SNTG2: variants seen among roughly 807,000 people sequenced by gnomAD.
SNTG2 encodes the protein syntrophin gamma 2.
In SNTG2, 74 loss-of-function variants were observed where a neutral mutation model predicts 70.9. The observed-to-expected ratio is 1.04, with a 90% confidence interval of 0.86 to 1.27. The LOEUF is 1.27. Ranked by LOEUF, SNTG2 falls within the 50% of genes most tolerant of loss-of-function variation. The probability of loss-of-function intolerance (pLI) is 0.00; values close to 1 mark genes in which losing one functional copy is unlikely to be tolerated. For synonymous variants in SNTG2, 278 were observed against 273.8 expected, an observed-to-expected ratio of 1.02 and a Z score of -0.15; for missense variants, 717 against 690.7, an observed-to-expected ratio of 1.04 and a Z score of -0.43.
At chr2:1,113,020 A>C (rs1666608947) in intron 4 of SNTG2, among the ~76,000 whole-genome samples, 1 of 151,546 alleles carries the variant, frequency 6.6e-6, no homozygotes, top group Non-Finnish European at 1.5e-5. Context: ...GATCATGTGT[A>C]CTAAGTGAGG....
At chr2:1,232,752 C>T (rs1325356781) in intron 9 of SNTG2, among the ~76,000 whole-genome samples, 1 of 152,130 alleles carries the variant, frequency 6.6e-6, no homozygotes, top group East Asian at 1.9e-4. Context: ...AAATAATATA[C>T]TACAGAGACA....
At chr2:1,150,629 ACAAAAG>A (rs1329641932) in intron 6 of SNTG2, among the ~76,000 whole-genome samples, 1 of 152,184 alleles carries the variant, frequency 6.6e-6, no homozygotes, top group Non-Finnish European at 1.5e-5. Context: ...AATTCAGTTG[ACAAAAG>A]TAAAGGGGCA....
chr2:1,127,051 C>A (rs1234160121), intron 4 of SNTG2, among the ~76,000 whole-genome samples: 3 of 151,886 alleles, frequency 2.0e-5, no homozygotes, highest in Non-Finnish European at 4.4e-5. Flanking sequence ...TGTCCAGAAC[C>A]ATTGCCTCTA....
chr2:1,134,535 G>T (rs1429807612), intron 4 of SNTG2, among the ~76,000 whole-genome samples: 1 of 151,948 alleles, frequency 6.6e-6, no homozygotes, highest in African/African-American at 2.4e-5. Flanking sequence ...GCTAGACACA[G>T]GATGCTGATT....
At chr2:992,700 A>T (rs553421454) in intron 1 of SNTG2, among the ~76,000 whole-genome samples, 2 of 152,316 alleles carry the variant, frequency 1.3e-5, no homozygotes, top group African/African-American at 4.8e-5. Context: ...TCATTTTATG[A>T]CAATTAAGTT....
chr2:1,237,619 C>T (rs1230391852), intron 9 of SNTG2, among the ~76,000 whole-genome samples: 2 of 152,240 alleles, frequency 1.3e-5, no homozygotes, highest in African/African-American at 4.8e-5. Context: ...GACAATAACT[C>T]CAGAATTTCA....
intron 2 of SNTG2, among the ~76,000 whole-genome samples, chr2:1,084,357 C>T (rs956005668): frequency 3.9e-5 from 6 of 152,204 alleles, no homozygotes; most frequent in African/African-American, 1.4e-4. Flanking sequence ...AAAGATCCCA[C>T]CGTAAACCGT....
At chr2:1,160,787 C>A (rs28405115) in intron 6 of SNTG2, 2 of 151,824 alleles carry the variant, frequency 1.3e-5, no homozygotes, top group African/African-American at 4.9e-5. Context: ...AAGGACACAG[C>A]CAGAAGGCCA....
intron 14 of SNTG2, among the ~76,000 whole-genome samples, chr2:1,279,670 G>C (rs1679435690): frequency 6.6e-6 from 1 of 152,142 alleles, no homozygotes; most frequent in African/African-American, 2.4e-5. Context: ...CGTGCTTTTT[G>C]CGATGTTTTC....
At chr2:1,240,945 T>C (rs1418928548) in intron 11 of SNTG2, among the ~76,000 whole-genome samples, 1 of 152,188 alleles carries the variant, frequency 6.6e-6, no homozygotes, top group African/African-American at 2.4e-5. Flanking sequence ...TTCCCTACTA[T>C]GTGTTTTTGA....
chr2:997,584 G>T (rs192653922), intron 1 of SNTG2, among the ~76,000 whole-genome samples: 1 of 151,800 alleles, frequency 6.6e-6, no homozygotes, highest in African/African-American at 2.4e-5. Context: ...GAGTGTGGGC[G>T]AGGTGGCCAT....
chr2:987,855 G>A (rs1661373954), intron 1 of SNTG2, among the ~76,000 whole-genome samples: 1 of 152,118 alleles, frequency 6.6e-6, no homozygotes, highest in South Asian at 2.1e-4. Flanking sequence ...AGATGTGGAA[G>A]GAAGGCCGCG....
At chr2:1,132,486 T>C (rs1668089734) in intron 4 of SNTG2, among the ~76,000 whole-genome samples, 1 of 152,184 alleles carries the variant, frequency 6.6e-6, no homozygotes, top group Admixed American at 6.5e-5. Flanking sequence ...AATTCTCTCT[T>C]GATGTAGGCA....
At chr2:964,577 G>T (rs928649851) in intron 1 of SNTG2, among the ~76,000 whole-genome samples, 4 of 152,194 alleles carry the variant, frequency 2.6e-5, no homozygotes, top group African/African-American at 9.7e-5. Flanking sequence ...TGGACAAGGG[G>T]CCCTGAGGGA....
chr2:964,285 T>TA (rs1260778105), intron 1 of SNTG2, among the ~76,000 whole-genome samples: 1 of 152,218 alleles, frequency 6.6e-6, no homozygotes, highest in Non-Finnish European at 1.5e-5. Flanking sequence ...CATCTTTCAT[T>TA]GACTTGTATA....
chr2:1,117,515 C>A (rs1191184537), intron 4 of SNTG2, among the ~76,000 whole-genome samples: 1 of 152,164 alleles, frequency 6.6e-6, no homozygotes, highest in African/African-American at 2.4e-5. Context: ...CGGCCTCCTG[C>A]CCCTGGGGAG....
At chr2:1,040,801 C>A (rs1035832279) in intron 1 of SNTG2, among the ~76,000 whole-genome samples, 1 of 152,170 alleles carries the variant, frequency 6.6e-6, no homozygotes, top group African/African-American at 2.4e-5. Flanking sequence ...TAACTAAATC[C>A]TCCCTGTCCT....
chr2:1,190,859 C>A (rs1437798822), intron 8 of SNTG2, among the ~76,000 whole-genome samples: 2 of 152,010 alleles, frequency 1.3e-5, no homozygotes, highest in Non-Finnish European at 2.9e-5. Flanking sequence ...AATACTCATT[C>A]ATAGAGGAAG....
At chr2:1,118,294 A>G (rs1269672453) in intron 4 of SNTG2, among the ~76,000 whole-genome samples, 2 of 152,076 alleles carry the variant, frequency 1.3e-5, no homozygotes, top group Non-Finnish European at 1.5e-5. Flanking sequence ...ACTCCCCTCT[A>G]CAGAGAAGTC....
Sources: allele counts gnomAD v4.1 joint callset (sites outside exome capture counted in the v4.1 genomes callset), GRCh38; gene constraint gnomAD v4.1.1; transcripts MANE v1.5; gene names NCBI Gene and HGNC (gene_info 2026-07-23, HGNC 2026-07-21).